Variants in TNS1 observed in about 807,000 individuals in gnomAD.
TNS1 encodes the protein tensin-1.
A neutral mutation model predicts 168.6 loss-of-function variants in TNS1; 62 were observed. That is an observed-to-expected ratio of 0.37 (90% CI 0.30 to 0.45). The LOEUF is 0.45. Among genes scored for constraint, TNS1 ranks in the 20% least tolerant of loss-of-function variants. TNS1 has a pLI of 1.00. For synonymous variants in TNS1, 934 were observed against 933.2 expected, an observed-to-expected ratio of 1.00 and a Z score of -0.02; for missense variants, 2,240 against 2,339.4, an observed-to-expected ratio of 0.96 and a Z score of 0.88.
At chr2:217,900,574 A>G (rs1350498829) in intron 6 of TNS1, 62 bp from the exon 7 acceptor site, 5 of 1,478,862 alleles carry the variant, frequency 3.4e-6, no homozygotes, top group East Asian at 4.9e-5. Flanking sequence ...GGAGGAGCAC[A>G]CCAGAGAGCT....
intron 3 of TNS1, among the ~76,000 whole-genome samples, chr2:217,939,132 C>A (rs972300077): frequency 7.9e-5 from 12 of 152,154 alleles, no homozygotes; most frequent in Non-Finnish European, 1.8e-4. Context: ...TAAATTAACT[C>A]GTTTGATCCT....
chr2:217,850,671 A>G (rs1434736565), intron 18 of TNS1: 1 of 944,614 alleles, frequency 1.1e-6, no homozygotes, highest in Non-Finnish European at 1.3e-6. Context: ...TCCGTTAGCA[A>G]GGAAAAAAGC....
At chr2:217,912,878 C>G (rs1220412691) in intron 4 of TNS1, among the ~76,000 whole-genome samples, 2 of 152,220 alleles carry the variant, frequency 1.3e-5, no homozygotes, top group Non-Finnish European at 2.9e-5. Context: ...CCGTGCCTCC[C>G]AAGGCATCAC....
At chr2:218,016,246 G>A (rs1349308537) in intron 1 of TNS1, among the ~76,000 whole-genome samples, 1 of 152,190 alleles carries the variant, frequency 6.6e-6, no homozygotes, top group East Asian at 1.9e-4. Context: ...CAAGGGGAGG[G>A]GAGCTGAGTT....
chr2:217,812,130 G>C (rs1261363790), intron 28 of TNS1, among the ~76,000 whole-genome samples: 1 of 152,210 alleles, frequency 6.6e-6, no homozygotes, highest in Non-Finnish European at 1.5e-5. Context: ...CATACGGAGA[G>C]TTTTCCTGAA....
intron 18 of TNS1, among the ~76,000 whole-genome samples, chr2:217,879,914 G>A (rs931565836): frequency 1.3e-5 from 2 of 152,194 alleles, no homozygotes; most frequent in Non-Finnish European, 2.9e-5. Flanking sequence ...GAAGCCAGAC[G>A]CTGGGTGCTG....
At chr2:217,850,161 C>T (rs1470388342) in intron 18 of TNS1, 34 of 985,314 alleles carry the variant, frequency 3.5e-5, no homozygotes, top group Non-Finnish European at 4.0e-5. Context: ...CACAGCAGGT[C>T]TGCAAAGACG....
rs1383492494 is a variant in TNS1, at chr2:217,936,798, T to C, written c.187-16562A>G. Among the ~76,000 whole-genome samples, 4 of 152,230 alleles carry C rather than the reference T, an allele frequency of 2.6e-5. No homozygotes were observed. The East Asian group carries it at 7.8e-4, about 30-fold the overall frequency. On this transcript the variant is annotated intron_variant, in intron 3 of 32. Transcript: ENST00000682258. ...TGCCATTTTAAGCCTCCATATACTG[T>C]GGGTTTGCTCCATGCCAGGCACTGG... is the stretch of plus-strand genomic sequence containing the variant.
At chr2:218,006,626 G>A (rs767948513), upstream of TNS1, among the ~76,000 whole-genome samples, 5 of 152,244 alleles carry the variant, frequency 3.3e-5, no homozygotes, top group South Asian at 4.2e-4. Flanking sequence ...TGAGGGGAGC[G>A]GGCAAGGGGT....
intron 1 of TNS1, among the ~76,000 whole-genome samples, chr2:218,030,989 T>C (rs996438581): frequency 4.0e-5 from 6 of 151,200 alleles, no homozygotes; most frequent in Non-Finnish European, 4.4e-5. Context: ...TGTATGAGTG[T>C]ATGTATGAGT....
At chr2:217,946,336 A>G (rs1192788721) in intron 3 of TNS1, among the ~76,000 whole-genome samples, 4 of 152,056 alleles carry the variant, frequency 2.6e-5, no homozygotes, top group Non-Finnish European at 4.4e-5. Flanking sequence ...CCATTTTTGG[A>G]ACGATAAGGG....
chr2:217,918,270 T>A lies in TNS1; in HGVS notation c.228+1925A>T, dbSNP rs554132025. Among the ~76,000 whole-genome samples, 3 of 152,320 alleles carry A rather than the reference T, an allele frequency of 2.0e-5. No individual in the cohort carries two copies. The South Asian group carries it at 6.2e-4, about 32-fold the overall frequency. ...AACGGAGGTCCAGGGAGGTTAGCAA[T>A]GTCAGGGTCGTACACCAGGGAGCGG... On this transcript the variant is annotated intron_variant, in intron 4 of 32. Coordinates refer to ENST00000682258, the MANE Select transcript of TNS1 (RefSeq NM_001387777.1).
intron 4 of TNS1, among the ~76,000 whole-genome samples, chr2:217,918,844 C>T (rs760533372): frequency 4.6e-5 from 7 of 152,112 alleles, no homozygotes; most frequent in Non-Finnish European, 7.3e-5. Context: ...CTCCACCCCC[C>T]AGCCCCCGCT....
chr2:217,910,739 C>CAA (rs1434771456), intron 4 of TNS1, among the ~76,000 whole-genome samples: 13 of 151,292 alleles, frequency 8.6e-5, no homozygotes, highest in Admixed American at 8.5e-4. Flanking sequence ...CACACACACA[C>CAA]ACACACACAC....
At chr2:217,994,226 T>A (rs529206871) in intron 1 of TNS1, among the ~76,000 whole-genome samples, 40 of 152,268 alleles carry the variant, frequency 2.6e-4, no homozygotes, top group African/African-American at 9.1e-4. Context: ...TCTGTTCATC[T>A]ATCTCACTTC....
At chr2:217,870,042 C>T (rs1413569316) in intron 18 of TNS1, among the ~76,000 whole-genome samples, 1 of 152,198 alleles carries the variant, frequency 6.6e-6, no homozygotes, top group East Asian at 1.9e-4. Context: ...GTTTCTCGTT[C>T]CTTTTACTTT....
intron 22 of TNS1, among the ~76,000 whole-genome samples, chr2:217,826,885 T>C (rs1393300329): frequency 6.6e-6 from 1 of 152,106 alleles, no homozygotes; most frequent in Non-Finnish European, 1.5e-5. Flanking sequence ...CACCCTGAAG[T>C]GCATTTTCTG....
intron 15 of TNS1, 44 bp from the exon 16 acceptor site, chr2:217,885,208 G>A (rs868077235): frequency 6.2e-7 from 1 of 1,612,864 alleles, no homozygotes; most frequent in Non-Finnish European, 8.5e-7. Context: ...CCTGAGGCTG[G>A]GAGGTCAGGT....
intron 4 of TNS1, among the ~76,000 whole-genome samples, chr2:217,909,644 A>C (rs1377331443): frequency 2.0e-5 from 3 of 151,418 alleles, no homozygotes; most frequent in Non-Finnish European, 4.4e-5. Context: ...CATTTCTACC[A>C]GGTTTCCAGG....
Sources: allele counts gnomAD v4.1 joint callset (sites outside exome capture counted in the v4.1 genomes callset), GRCh38; gene constraint gnomAD v4.1.1; transcripts MANE v1.5; gene names NCBI Gene and HGNC (gene_info 2026-07-23, HGNC 2026-07-21).